Variants in HIGD1C observed in about 807,000 individuals in gnomAD.
HIGD1C encodes the protein HIG1 domain family member 1C.
A neutral mutation model predicts 13.1 loss-of-function variants in HIGD1C; 11 were observed. The observed-to-expected ratio is 0.84, with a 90% CI of 0.53 to 1.39. The LOEUF is 1.39. HIGD1C is among the 40% of genes most tolerant of loss of function. HIGD1C has a pLI of 0.00. For synonymous variants in HIGD1C, 36 were observed against 37.7 expected, an observed-to-expected ratio of 0.95 and a Z score of 0.17; for missense variants, 110 against 112.0, an observed-to-expected ratio of 0.98 and a Z score of 0.08.
At chr12:50,965,952 T>A (rs948175995) in intron 2 of HIGD1C, among the ~76,000 whole-genome samples, 1 of 152,204 alleles carries the variant, frequency 6.6e-6, no homozygotes, top group African/African-American at 2.4e-5. Context: ...TTTATTGTGG[T>A]GATTCAAGTT....
intron 2 of HIGD1C, among the ~76,000 whole-genome samples, chr12:50,969,719 A>AG (rs1027721770): frequency 6.6e-6 from 1 of 151,466 alleles, no homozygotes. Flanking sequence ...AAAAAAACAA[A>AG]AACAAAACGT....
intron 1 of HIGD1C, among the ~76,000 whole-genome samples, chr12:50,957,666 C>T (rs1939150039): frequency 6.6e-6 from 1 of 151,860 alleles, no homozygotes; most frequent in South Asian, 2.1e-4. Flanking sequence ...GGGCAGACCA[C>T]CTGAGGTAAG....
the HIGD1C span, chr12:50,931,363 T>G: frequency 6.6e-6 from 1 of 152,092 alleles, no homozygotes; most frequent in South Asian, 2.1e-4. Flanking sequence ...ATTAAGAATC[T>G]GAGTCTAAAC....
At chr12:50,965,080 G>C (rs929808206) in intron 2 of HIGD1C, among the ~76,000 whole-genome samples, 1 of 152,000 alleles carries the variant, frequency 6.6e-6, no homozygotes, top group Non-Finnish European at 1.5e-5. Flanking sequence ...CCCTCTAGGA[G>C]TAGGGTAATG....
the HIGD1C span, among the ~76,000 whole-genome samples, chr12:50,944,290 G>A: frequency 3.9e-5 from 6 of 151,986 alleles, no homozygotes; most frequent in African/African-American, 1.5e-4. Flanking sequence ...CCCTCTTCAG[G>A]AATTCCTTCC....
At chr12:50,957,515 T>A (rs1939144212) in intron 1 of HIGD1C, among the ~76,000 whole-genome samples, 1 of 151,952 alleles carries the variant, frequency 6.6e-6, no homozygotes, top group African/African-American at 2.4e-5. Context: ...CATTTCTTCT[T>A]TTAATCGATC....
the HIGD1C span, among the ~76,000 whole-genome samples, chr12:50,948,877 AG>A: frequency 1.4e-3 from 7 of 4,888 alleles, no homozygotes; most frequent in African/African-American, 7.6e-3. Context: ...GGGGGAGGGG[AG>A]GGGGAGGGGA....
At chr12:50,942,175 C>T in the HIGD1C span, among the ~76,000 whole-genome samples, 2 of 152,216 alleles carry the variant, frequency 1.3e-5, no homozygotes, top group African/African-American at 4.8e-5. Flanking sequence ...AGCCACCGCA[C>T]CCGGCCCATG....
chr12:50,938,445 A>G, the HIGD1C span, among the ~76,000 whole-genome samples: 5 of 152,164 alleles, frequency 3.3e-5, no homozygotes, highest in Non-Finnish European at 7.4e-5. Context: ...GACTTCCAAG[A>G]GCACAGGGAT....
chr12:50,959,200 A>G (rs1340513317), intron 1 of HIGD1C, among the ~76,000 whole-genome samples: 1 of 150,330 alleles, frequency 6.7e-6, no homozygotes, highest in Admixed American at 6.7e-5. Context: ...GCTCACTGCA[A>G]CCTCTGCCTC....
chr12:50,963,472 C>A (rs1939425833), intron 2 of HIGD1C, among the ~76,000 whole-genome samples: 1 of 151,766 alleles, frequency 6.6e-6, no homozygotes. Flanking sequence ...ACAGGACAGA[C>A]TGGAACCCTT....
intron 2 of HIGD1C, among the ~76,000 whole-genome samples, chr12:50,968,119 G>GAAT (rs1565962803): frequency 2.0e-5 from 3 of 152,044 alleles, no homozygotes; most frequent in Admixed American, 6.6e-5. Context: ...AGGAGGAGGA[G>GAAT]GAGGAGGAGA....
intron 1 of HIGD1C, among the ~76,000 whole-genome samples, chr12:50,956,795 C>T (rs962227457): frequency 2.0e-5 from 3 of 152,096 alleles, no homozygotes; most frequent in African/African-American, 7.2e-5. Context: ...ATCTTTGTGT[C>T]ATTTTCTTGA....
the HIGD1C span, among the ~76,000 whole-genome samples, chr12:50,944,695 T>A: frequency 6.6e-6 from 1 of 152,174 alleles, no homozygotes; most frequent in African/African-American, 2.4e-5. Context: ...GAGACCAGCC[T>A]GGCCAACATG....
At chr12:50,943,749 A>G in the HIGD1C span, among the ~76,000 whole-genome samples, 1 of 151,614 alleles carries the variant, frequency 6.6e-6, no homozygotes, top group Admixed American at 6.6e-5. Context: ...TGCTCTAGGT[A>G]TACTCCCACA....
intron 2 of HIGD1C, among the ~76,000 whole-genome samples, 176 bp from the exon 5 acceptor site, chr12:50,970,266 T>G (rs1049255600): frequency 1.3e-5 from 2 of 152,204 alleles, no homozygotes; most frequent in African/African-American, 4.8e-5. Context: ...AGAGTTTTGT[T>G]TTTTGTTTTT....
the HIGD1C span, among the ~76,000 whole-genome samples, chr12:50,943,534 C>A: frequency 2.8e-3 from 421 of 152,120 alleles, 3 homozygotes; most frequent in African/African-American, 9.8e-3. Context: ...CATGGTGAAA[C>A]CCCATCTCTA....
At chr12:50,948,775 G>A in the HIGD1C span, among the ~76,000 whole-genome samples, 41 of 141,656 alleles carry the variant, frequency 2.9e-4, no homozygotes, top group Admixed American at 1.4e-3. Context: ...GGGAGGCTGA[G>A]GCAGGAGAAT....
upstream of HIGD1C, among the ~76,000 whole-genome samples, chr12:50,951,837 G>A (rs536361691): frequency 2.7e-5 from 4 of 150,228 alleles, no homozygotes; most frequent in Admixed American, 2.0e-4. Flanking sequence ...CAGGAGAATT[G>A]CTTGAACCAA....
Sources: gnomAD v4.1 joint callset for allele counts (sites outside exome capture counted in the v4.1 genomes callset) on GRCh38, gnomAD v4.1.1 for gene constraint, MANE v1.5 for transcripts, NCBI Gene and HGNC (gene_info 2026-07-23, HGNC 2026-07-21) for gene names.